Variants in ZNF609 observed in about 807,000 individuals in gnomAD.
ZNF609 encodes zinc finger protein 609.
In ZNF609, 11 loss-of-function variants were observed where a neutral mutation model predicts 109.5. The observed-to-expected ratio is 0.10, with a 90% CI of 0.06 to 0.17. ZNF609 has a LOEUF of 0.17. Ranked by LOEUF, ZNF609 falls within the 10% of genes least tolerant of loss-of-function variation. ZNF609 has a pLI of 1.00. For synonymous variants in ZNF609, 646 were observed against 662.0 expected (o/e 0.98, Z 0.37); for missense variants, 1,559 against 1,772.4 (o/e 0.88, Z 2.16).
chr15:64,540,115 G>T (rs1894226060), intron 2 of ZNF609, among the ~76,000 whole-genome samples: 1 of 152,176 alleles, frequency 6.6e-6, no homozygotes, highest in Non-Finnish European at 1.5e-5. Context: ...AGCCCGTTGT[G>T]TATCTTCTAT....
chr15:64,644,035 T>A (rs1046058202), intron 3 of ZNF609, among the ~76,000 whole-genome samples: 2 of 147,110 alleles, frequency 1.4e-5, no homozygotes, highest in Non-Finnish European at 3.0e-5. Context: ...GCCCAGGAGG[T>A]CATGGCTACA....
chr15:64,492,720 A>G (rs1595698185), intron 1 of ZNF609, among the ~76,000 whole-genome samples: 1 of 152,164 alleles, frequency 6.6e-6, no homozygotes, highest in East Asian at 1.9e-4. Context: ...TATCCTCATG[A>G]TATGCTTAGA....
intron 3 of ZNF609, among the ~76,000 whole-genome samples, chr15:64,659,574 G>T (rs907173615): frequency 6.6e-6 from 1 of 152,114 alleles, no homozygotes; most frequent in African/African-American, 2.4e-5. Context: ...AGAGGAGACC[G>T]AGAAGCAAAA....
intron 1 of ZNF609, among the ~76,000 whole-genome samples, chr15:64,485,677 C>T (rs1893322685): frequency 1.3e-5 from 2 of 151,934 alleles, no homozygotes; most frequent in East Asian, 1.9e-4. Flanking sequence ...TGGTCATGCA[C>T]CTCTGTAGTC....
chr15:64,680,234 C>T lies in ZNF609; in HGVS notation c.3819C>T (p.Val1273=). ...SYSFSPYGSK[V]SGGEDADKAR... The stretch of plus-strand genomic sequence containing the variant: ...CTTTTTCCCCATATGGCAGCAAGGT[C>T]TCAGGTGGTGAAGATGCTGACAAGG... The change falls in exon 7 of 10, where the codon GTC becomes GTT. Residue 1273 remains valine (V), a synonymous_variant. Coordinates refer to ENST00000326648, the MANE Select transcript of ZNF609 (RefSeq NM_015042.2). The T allele has an allele frequency of 6.2e-7, 1 of 1,614,176 alleles. No individual in the cohort carries two copies.
chr15:64,490,156 T>C (rs1278316328), intron 1 of ZNF609, among the ~76,000 whole-genome samples: 1 of 151,858 alleles, frequency 6.6e-6, no homozygotes. Flanking sequence ...AGAGACAGGG[T>C]CCCATTATGT....
At chr15:64,603,499 C>T (rs2140950606) in intron 2 of ZNF609, among the ~76,000 whole-genome samples, 1 of 151,540 alleles carries the variant, frequency 6.6e-6, no homozygotes, top group East Asian at 2.0e-4. Context: ...AAACTCCTGA[C>T]CTCAGGTGAT....
chr15:64,625,956 G>T (rs1239326652), intron 3 of ZNF609, among the ~76,000 whole-genome samples: 6 of 134,216 alleles, frequency 4.5e-5, no homozygotes, highest in East Asian at 2.2e-4. Flanking sequence ...GAGAGAGAGA[G>T]AGAGAGAGAG....
chr15:64,622,778 C>G (rs1357330969), intron 2 of ZNF609, 49 bp from the exon 3 acceptor site: 4 of 1,500,474 alleles, frequency 2.7e-6, no homozygotes, highest in Non-Finnish European at 3.7e-6. Context: ...GGTATTTCCT[C>G]TAAATGTTCT....
At chr15:64,485,232 A>G (rs932322216) in intron 1 of ZNF609, among the ~76,000 whole-genome samples, 2 of 152,228 alleles carry the variant, frequency 1.3e-5, no homozygotes, top group African/African-American at 4.8e-5. Context: ...GCAAAGAAAA[A>G]AAAAATTCAG....
At chr15:64,486,496 C>T (rs1162284136) in intron 1 of ZNF609, among the ~76,000 whole-genome samples, 2 of 148,716 alleles carry the variant, frequency 1.3e-5, no homozygotes, top group Non-Finnish European at 3.0e-5. Flanking sequence ...TGCACTCCAG[C>T]CCAGGTGACA....
At chr15:64,661,804 T>C (rs1183954259) in intron 3 of ZNF609, among the ~76,000 whole-genome samples, 1 of 152,240 alleles carries the variant, frequency 6.6e-6, no homozygotes, top group African/African-American at 2.4e-5. Context: ...ACTTCAATAC[T>C]TCACAGAATG....
chr15:64,474,142 A>G (rs2140332161), intron 1 of ZNF609, among the ~76,000 whole-genome samples: 1 of 150,316 alleles, frequency 6.7e-6, no homozygotes, highest in African/African-American at 2.4e-5. Flanking sequence ...TCCTGACCTC[A>G]GGTGATCCTC....
At chr15:64,668,023 T>C (rs1362101895) in intron 3 of ZNF609, among the ~76,000 whole-genome samples, 1 of 152,196 alleles carries the variant, frequency 6.6e-6, no homozygotes, top group Non-Finnish European at 1.5e-5. Context: ...AGAAGTGTGA[T>C]ATCCTAAATT....
At chr15:64,477,301 C>T (rs1267948130) in intron 1 of ZNF609, among the ~76,000 whole-genome samples, 2 of 151,760 alleles carry the variant, frequency 1.3e-5, no homozygotes, top group African/African-American at 4.8e-5. Flanking sequence ...CCCCCACACC[C>T]AGCTAATTTT....
chr15:64,586,591 A>AT (rs1274161510), intron 2 of ZNF609, among the ~76,000 whole-genome samples: 1 of 152,274 alleles, frequency 6.6e-6, no homozygotes, highest in Non-Finnish European at 1.5e-5. Flanking sequence ...TGTGAATCTA[A>AT]TGAATGCCTG....
At chr15:64,461,228 C>A (rs911383958) in intron 1 of ZNF609, among the ~76,000 whole-genome samples, 1 of 16,064 alleles carries the variant, frequency 6.2e-5, no homozygotes, top group African/African-American at 2.8e-4. Context: ...GGAGGGGGGG[C>A]GGGGGCGGTG....
At chr15:64,461,923 T>C (rs1356406830) in intron 1 of ZNF609, among the ~76,000 whole-genome samples, 1 of 152,148 alleles carries the variant, frequency 6.6e-6, no homozygotes, top group East Asian at 1.9e-4. Context: ...TGGTTTAGGC[T>C]GTTGTGAGGA....
At chr15:64,538,987 A>G (rs1398536843) in intron 2 of ZNF609, among the ~76,000 whole-genome samples, 1 of 151,802 alleles carries the variant, frequency 6.6e-6, no homozygotes, top group Non-Finnish European at 1.5e-5. Flanking sequence ...TGCATGCACC[A>G]CCATGCCTGA....
Sources: gnomAD v4.1 joint callset for allele counts (sites outside exome capture counted in the v4.1 genomes callset) on GRCh38, gnomAD v4.1.1 for gene constraint, MANE v1.5 for transcripts, NCBI Gene and HGNC (gene_info 2026-07-23, HGNC 2026-07-21) for gene names.